Variants in NRG3 observed in about 807,000 individuals in gnomAD.
NRG3 encodes the protein pro-neuregulin-3, membrane-bound isoform.
A neutral mutation model predicts 66.9 loss-of-function variants in NRG3; 31 were observed. The observed-to-expected ratio is 0.46, with a 90% confidence interval of 0.35 to 0.63. NRG3 has a LOEUF of 0.63. Ranked by LOEUF, NRG3 falls within the 20% of genes least tolerant of loss-of-function variation. The pLI is 0.00. For synonymous variants in NRG3, 393 were observed against 359.4 expected, an observed-to-expected ratio of 1.09 and a Z score of -1.06; for missense variants, 910 against 878.9, an observed-to-expected ratio of 1.04 and a Z score of -0.45.
intron 3 of NRG3, among the ~76,000 whole-genome samples, chr10:82,836,840 C>A (rs1019568171): frequency 1.3e-5 from 2 of 151,804 alleles, no homozygotes; most frequent in African/African-American, 4.8e-5. Context: ...GTGCAGCACC[C>A]ATTAACTCAT....
chr10:81,938,646 C>T lies in NRG3; in HGVS notation c.823+62483C>T, dbSNP rs201393441. ...GTGTGTGTGTGTGTGTGTGTGCATG[C>T]ATGCATGCATGCAAAAATTTTAAGG... On this transcript the variant is annotated intron_variant, in intron 1 of 8. Transcript: ENST00000372141. Among the ~76,000 whole-genome samples the T allele has an allele frequency of 9.4e-3, 951 of 101,312 alleles. 14 individuals carry two copies. Among genetic ancestry groups the T allele is most frequent in the African/African-American group, 0.046 (909 of 19,720 alleles). The allele number at this position is 101,312 out of a possible 152,430, so 66.5% of individuals were successfully genotyped here.
At chr10:82,262,637 TC>T (rs1321578240) in intron 1 of NRG3, among the ~76,000 whole-genome samples, 1 of 152,218 alleles carries the variant, frequency 6.6e-6, no homozygotes, top group Non-Finnish European at 1.5e-5. Flanking sequence ...ACATGCAGCA[TC>T]TGTGAACTCC....
At chr10:82,200,498 G>T (rs2074739502) in intron 1 of NRG3, among the ~76,000 whole-genome samples, 1 of 152,192 alleles carries the variant, frequency 6.6e-6, no homozygotes, top group South Asian at 2.1e-4. Flanking sequence ...GAATTACTCA[G>T]CCTGCTTATT....
intron 1 of NRG3, among the ~76,000 whole-genome samples, chr10:82,192,175 C>T (rs746807703): frequency 6.6e-6 from 1 of 152,102 alleles, no homozygotes; most frequent in Middle Eastern, 3.2e-3. Flanking sequence ...CAGTGCAACC[C>T]GTTTACCTCT....
chr10:82,985,034 T>C, intron 8 of NRG3, 64 bp from the exon 9 acceptor site: 1 of 1,560,602 alleles, frequency 6.4e-7, no homozygotes, highest in African/African-American at 1.4e-5. Context: ...GCTTTGTGGA[T>C]TGAGTATTGC....
chr10:82,248,216 A>G (rs1450275419), intron 1 of NRG3, among the ~76,000 whole-genome samples: 2 of 152,184 alleles, frequency 1.3e-5, no homozygotes, highest in Admixed American at 1.3e-4. Context: ...TTGACTTTTC[A>G]GTACCATTTA....
intron 1 of NRG3, among the ~76,000 whole-genome samples, chr10:82,244,142 G>A (rs550840038): frequency 2.6e-5 from 4 of 152,242 alleles, no homozygotes; most frequent in Non-Finnish European, 4.4e-5. Context: ...ACACCATTGT[G>A]ATTTTTTTTC....
chr10:82,680,416 T>G (rs2054029200), intron 2 of NRG3, among the ~76,000 whole-genome samples: 1 of 152,222 alleles, frequency 6.6e-6, no homozygotes, highest in Non-Finnish European at 1.5e-5. Context: ...AATCAATGTT[T>G]GATGAAGTAA....
At chr10:82,695,105 A>T (rs2055269091) in intron 2 of NRG3, among the ~76,000 whole-genome samples, 1 of 152,206 alleles carries the variant, frequency 6.6e-6, no homozygotes, top group Admixed American at 6.6e-5. Flanking sequence ...TAAAACTCAT[A>T]TGTACATTGG....
intron 1 of NRG3, among the ~76,000 whole-genome samples, chr10:81,982,691 T>G (rs1241967976): frequency 1.3e-5 from 2 of 152,168 alleles, no homozygotes; most frequent in Non-Finnish European, 2.9e-5. Flanking sequence ...ATGGCAGTTC[T>G]TTTTTGTCTA....
chr10:82,361,613 T>C (rs2084147614), intron 2 of NRG3, among the ~76,000 whole-genome samples: 1 of 152,178 alleles, frequency 6.6e-6, no homozygotes, highest in Non-Finnish European at 1.5e-5. Flanking sequence ...TACTATTGAA[T>C]AAATACATAC....
chr10:82,758,038 C>G (rs185790013), intron 3 of NRG3, among the ~76,000 whole-genome samples: 4 of 152,070 alleles, frequency 2.6e-5, no homozygotes, highest in South Asian at 2.1e-4. Flanking sequence ...ATGTGAATTG[C>G]AATTATTTCA....
At chr10:82,798,458 C>G (rs1051464233) in intron 3 of NRG3, among the ~76,000 whole-genome samples, 1 of 152,090 alleles carries the variant, frequency 6.6e-6, no homozygotes, top group Admixed American at 6.6e-5. Context: ...GTCATCTGCT[C>G]TATAGTTGTG....
intron 2 of NRG3, among the ~76,000 whole-genome samples, chr10:82,585,225 T>C (rs907813974): frequency 2.6e-5 from 4 of 152,196 alleles, no homozygotes; most frequent in African/African-American, 9.6e-5. Flanking sequence ...TGAAAAAGTA[T>C]TCTTCAACAA....
chr10:82,506,118 C>T lies in NRG3; in HGVS notation c.953+147250C>T, dbSNP rs777087230. Among the ~76,000 whole-genome samples the T allele has an allele frequency of 3.3e-5, 5 of 152,084 alleles. No individual in the cohort carries two copies. In the South Asian group the frequency reaches 6.2e-4, roughly 19 times the overall value. ...AAAAAACTAGCGAGGCATGGTGGCA[C>T]GTGCCTGTAACCCCAGCTACTCGGG... On this transcript the variant is annotated intron_variant, in intron 2 of 8. Transcript: ENST00000372141.
intron 1 of NRG3, chr10:82,230,499 T>G (rs1460460688): frequency 1.3e-5 from 2 of 151,770 alleles, no homozygotes; most frequent in Non-Finnish European, 2.9e-5. Flanking sequence ...GTTCCTAGAC[T>G]CAGTGAATGT....
intron 3 of NRG3, among the ~76,000 whole-genome samples, chr10:82,759,109 T>C (rs2059198453): frequency 1.3e-5 from 2 of 152,126 alleles, no homozygotes; most frequent in Admixed American, 6.6e-5. Context: ...TAATGTCCTC[T>C]TACAAGTAAG....
At chr10:82,114,645 T>A (rs2067590984) in intron 1 of NRG3, among the ~76,000 whole-genome samples, 1 of 152,150 alleles carries the variant, frequency 6.6e-6, no homozygotes, top group African/African-American at 2.4e-5. Flanking sequence ...ATTGGGTAAT[T>A]CATCTTTAGG....
chr10:82,167,490 G>T (rs999973547), intron 1 of NRG3, among the ~76,000 whole-genome samples: 25 of 152,034 alleles, frequency 1.6e-4, no homozygotes, highest in Admixed American at 5.9e-4. Context: ...ACCCTGTAGA[G>T]AATTTTATAA....
Sources: gnomAD v4.1 joint callset for allele counts (sites outside exome capture counted in the v4.1 genomes callset) on GRCh38, gnomAD v4.1.1 for gene constraint, MANE v1.5 for transcripts, NCBI Gene and HGNC (gene_info 2026-07-23, HGNC 2026-07-21) for gene names.